VTCN1: variants seen among roughly 807,000 people sequenced by gnomAD.
VTCN1 encodes V-set domain containing T cell activation inhibitor 1, also known as V-set domain-containing T-cell activation inhibitor 1.
A neutral mutation model predicts 26.5 loss-of-function variants in VTCN1; 26 were observed. The ratio of observed to expected loss-of-function variants is 0.98; its 90% CI spans 0.72 to 1.36. The LOEUF (loss-of-function observed/expected upper bound fraction) is 1.36, where lower values mean the gene tolerates loss of function less well. VTCN1 is among the 40% of genes most tolerant of loss of function. The pLI, the probability that VTCN1 is intolerant of heterozygous loss-of-function variation, is 0.00. For synonymous variants in VTCN1, 116 were observed against 130.7 expected (o/e 0.89, Z 0.77); for missense variants, 298 against 337.7 (o/e 0.88, Z 0.92).
chr1:117,190,369 G>C (rs1188971803), intron 1 of VTCN1, among the ~76,000 whole-genome samples: 5 of 152,204 alleles, frequency 3.3e-5, no homozygotes, highest in African/African-American at 1.2e-4. Flanking sequence ...AGGTAGGCCT[G>C]AAAACCTTGG....
chr1:117,158,913 C>G (rs1188378828), intron 2 of VTCN1, among the ~76,000 whole-genome samples: 3 of 152,174 alleles, frequency 2.0e-5, no homozygotes, highest in African/African-American at 7.2e-5. Context: ...AAAACATCAT[C>G]AGTCTCTTTG....
chr1:117,204,743 G>A (rs1557880269), intron 1 of VTCN1, among the ~76,000 whole-genome samples: 1 of 152,002 alleles, frequency 6.6e-6, no homozygotes, highest in Non-Finnish European at 1.5e-5. Context: ...GCATGCACCT[G>A]TAGTCCCAGC....
chr1:117,172,567 C>T (rs1403048229), intron 1 of VTCN1: 1 of 467,486 alleles, frequency 2.1e-6, no homozygotes, highest in East Asian at 5.6e-5. Context: ...TACTTCATCG[C>T]TCTGAGGCTT....
intron 1 of VTCN1, among the ~76,000 whole-genome samples, chr1:117,204,206 G>A (rs1487268934): frequency 6.6e-6 from 1 of 152,162 alleles, no homozygotes; most frequent in African/African-American, 2.4e-5. Flanking sequence ...CACATAAAGT[G>A]CTAACTATAT....
intron 1 of VTCN1, among the ~76,000 whole-genome samples, chr1:117,193,766 C>T (rs1442916460): frequency 2.0e-5 from 3 of 152,094 alleles, no homozygotes; most frequent in African/African-American, 7.2e-5. Context: ...AGACATAGAA[C>T]ATTCCATCCA....
At chr1:117,178,259 C>CTTTTTTTTTTTTT (rs1194911017) in intron 1 of VTCN1, among the ~76,000 whole-genome samples, 1 of 108,358 alleles carries the variant, frequency 9.2e-6, no homozygotes, top group Non-Finnish European at 1.9e-5. Context: ...TCTTTTTTTT[C>CTTTTTTTTTTTTT]TTTTTTTTTT....
At chr1:117,203,889 G>T (rs1299183171) in intron 1 of VTCN1, 2 of 609,606 alleles carry the variant, frequency 3.3e-6, no homozygotes, top group Non-Finnish European at 4.1e-6. Flanking sequence ...ATGAAAATTT[G>T]CATCTCTAAT....
rs372699756 is a variant in VTCN1, at chr1:117,154,344, C to T, written c.446-975G>A. Among the ~76,000 whole-genome samples the T allele has an allele frequency of 6.6e-5, 10 of 152,238 alleles. No homozygotes were observed. In the East Asian group the frequency reaches 1.7e-3, roughly 26 times the overall value. The stretch of plus-strand genomic sequence containing the variant: ...CTCACAACACTCCTGTGAATACTAT[C>T]ATCCCCATTAAAAAAAAATCAACTT... On this transcript the variant is annotated intron_variant, in intron 3 of 5. Coordinates refer to ENST00000369458, the MANE Select transcript of VTCN1 (RefSeq NM_024626.4).
At chr1:117,191,161 T>C (rs1386666416) in intron 1 of VTCN1, among the ~76,000 whole-genome samples, 1 of 152,160 alleles carries the variant, frequency 6.6e-6, no homozygotes, top group Non-Finnish European at 1.5e-5. Context: ...AACAGCAGAC[T>C]TGATCATACA....
intron 1 of VTCN1, among the ~76,000 whole-genome samples, chr1:117,199,225 C>CT (rs35366183): frequency 1.3e-5 from 2 of 151,908 alleles, no homozygotes; most frequent in East Asian, 1.9e-4. Context: ...ATTAAACAGA[C>CT]TTAAGTCTAT....
intron 1 of VTCN1, among the ~76,000 whole-genome samples, chr1:117,206,566 C>T (rs1337651199): frequency 6.6e-6 from 1 of 152,128 alleles, no homozygotes; most frequent in Admixed American, 6.5e-5. Flanking sequence ...GATGCACAGC[C>T]ATAGTGCTAC....
intron 1 of VTCN1, among the ~76,000 whole-genome samples, chr1:117,187,008 C>T (rs576639878): frequency 5.3e-5 from 8 of 151,290 alleles, no homozygotes; most frequent in South Asian, 2.1e-4. Context: ...GCTTTTTGGC[C>T]GGGAGCAGTG....
At chr1:117,164,374 G>A (rs540400142) in intron 2 of VTCN1, among the ~76,000 whole-genome samples, 41 of 152,014 alleles carry the variant, frequency 2.7e-4, no homozygotes, top group African/African-American at 9.2e-4. Context: ...GGTTGCGGGG[G>A]CGATACGGGA....
intron 1 of VTCN1, among the ~76,000 whole-genome samples, chr1:117,202,726 G>T (rs538549651): frequency 1.3e-5 from 2 of 152,314 alleles, no homozygotes; most frequent in South Asian, 4.1e-4. Context: ...ATGGCCCAAA[G>T]TCTCACAGTT....
intron 3 of VTCN1, among the ~76,000 whole-genome samples, chr1:117,154,179 C>G (rs1182731012): frequency 6.6e-6 from 1 of 152,128 alleles, no homozygotes; most frequent in African/African-American, 2.4e-5. Flanking sequence ...GCAGGGGAGA[C>G]AAGACTCATG....
chr1:117,181,643 G>A (rs1160698295), intron 1 of VTCN1, among the ~76,000 whole-genome samples: 2 of 152,178 alleles, frequency 1.3e-5, no homozygotes, highest in African/African-American at 4.8e-5. Flanking sequence ...TTAAGGGAGT[G>A]GGAAGGCAGG....
chr1:117,165,671 G>A (rs1437528506), intron 2 of VTCN1, among the ~76,000 whole-genome samples: 1 of 152,158 alleles, frequency 6.6e-6, no homozygotes, highest in Non-Finnish European at 1.5e-5. Context: ...CAGAAGCCAG[G>A]CAGATTCCAG....
intron 1 of VTCN1, among the ~76,000 whole-genome samples, chr1:117,193,949 A>T (rs1383063498): frequency 6.6e-6 from 1 of 152,208 alleles, no homozygotes; most frequent in Non-Finnish European, 1.5e-5. Context: ...GCTCCCTTTG[A>T]TGTTGGTTTT....
In VTCN1 at chr1:117,161,784, G is replaced by A. The variant is rs909217355; in HGVS notation, c.98-4863C>T. On this transcript the variant is annotated intron_variant, in intron 2 of 5. Coordinates refer to ENST00000369458, the MANE Select transcript of VTCN1 (RefSeq NM_024626.4). This position sits in a 1 kb window ranked among gnomAD's most constrained non-coding sequence, Gnocchi z 4.3. ...AAGGAAGGCAATAAAAATACTGAGA[G>A]GTTCACAATAAAATCATGAATCAAA... 1.3e-5 allele frequency among the ~76,000 whole-genome samples: 2 copies of A among 152,074 alleles called. No homozygotes were observed. The highest frequency in any genetic ancestry group is 4.8e-5 in the African/African-American group (2 of 41,392).
Sources: allele counts gnomAD v4.1 joint callset (sites outside exome capture counted in the v4.1 genomes callset), GRCh38; gene constraint gnomAD v4.1.1; non-coding constraint Gnocchi (gnomAD v3.1); transcripts MANE v1.5; gene names NCBI Gene and HGNC (gene_info 2026-07-23, HGNC 2026-07-21).